Variants in NAV2 observed in about 807,000 individuals in gnomAD.
The protein encoded by NAV2 is helicase, APC down-regulated 1.
NAV2 carries 54 observed loss-of-function variants against 223.2 expected under a neutral mutation model. The ratio of observed to expected loss-of-function variants is 0.24; its 90% confidence interval spans 0.19 to 0.30. The LOEUF is 0.30. Ranked by LOEUF, NAV2 falls within the 10% of genes least tolerant of loss-of-function variation. The pLI, the probability that NAV2 is intolerant of heterozygous loss-of-function variation, is 1.00. For missense variants in NAV2, 2,806 were observed against 3,147.5 expected, an observed-to-expected ratio of 0.89 and a Z score of 2.60; for synonymous variants, 1,279 against 1,239.3, an observed-to-expected ratio of 1.03 and a Z score of -0.67.
intron 31 of NAV2, among the ~76,000 whole-genome samples, chr11:20,099,146 C>T (rs1450155670): frequency 6.6e-6 from 1 of 152,224 alleles, no homozygotes; most frequent in Non-Finnish European, 1.5e-5. Context: ...GGTGGAAGAG[C>T]TGGACCAGTG....
At chr11:19,611,947 A>G (rs955295968) in intron 1 of NAV2, among the ~76,000 whole-genome samples, 5 of 152,228 alleles carry the variant, frequency 3.3e-5, no homozygotes, top group Non-Finnish European at 7.3e-5. Context: ...GTTCTCCATG[A>G]GGGCACTGCC....
intron 1 of NAV2, among the ~76,000 whole-genome samples, chr11:19,791,713 G>A (rs75876729): frequency 0.028 from 4,246 of 152,242 alleles, 129 homozygotes; most frequent in African/African-American, 0.081. Context: ...TCCAGAGAGC[G>A]GGCACTCAGT....
chr11:20,098,823 G>T (rs1184325629), intron 31 of NAV2, among the ~76,000 whole-genome samples: 3 of 152,232 alleles, frequency 2.0e-5, no homozygotes, highest in Non-Finnish European at 4.4e-5. Flanking sequence ...GGGCAATCCA[G>T]GGGTACACCT....
At chr11:19,777,538 G>A (rs892572940) in intron 1 of NAV2, 9 of 455,262 alleles carry the variant, frequency 2.0e-5, no homozygotes, top group Admixed American at 4.7e-5. Flanking sequence ...ATTGCAGACC[G>A]CACCCCCTGG....
At chr11:19,627,257 G>A (rs2047197949) in intron 1 of NAV2, among the ~76,000 whole-genome samples, 1 of 152,080 alleles carries the variant, frequency 6.6e-6, no homozygotes, top group Non-Finnish European at 1.5e-5. Flanking sequence ...GCGTGGTATT[G>A]TGTGCCTGTA....
At chr11:19,903,453 TAAC>T (rs906152437) in intron 6 of NAV2, among the ~76,000 whole-genome samples, 84 of 152,270 alleles carry the variant, frequency 5.5e-4, no homozygotes, top group African/African-American at 1.8e-3. Context: ...AATGCACAGA[TAAC>T]AACTGCTGAT....
At chr11:19,368,274 G>A (rs565069139) in intron 1 of NAV2, among the ~76,000 whole-genome samples, 6 of 152,198 alleles carry the variant, frequency 3.9e-5, no homozygotes, top group Non-Finnish European at 8.8e-5. Flanking sequence ...CAGACCAAGA[G>A]GTCCTACAGG....
chr11:19,886,006 T>C (rs1413639012), intron 5 of NAV2, among the ~76,000 whole-genome samples: 1 of 152,186 alleles, frequency 6.6e-6, no homozygotes. Flanking sequence ...TATTGATTTT[T>C]GTCCAGTTCT....
chr11:19,850,305 C>T (rs1326464742), intron 3 of NAV2, among the ~76,000 whole-genome samples: 1 of 152,130 alleles, frequency 6.6e-6, no homozygotes, highest in African/African-American at 2.4e-5. Flanking sequence ...ACATAATACA[C>T]TCTCTTGTGG....
intron 10 of NAV2, among the ~76,000 whole-genome samples, chr11:19,973,990 T>G (rs1272709195): frequency 6.6e-6 from 1 of 152,250 alleles, no homozygotes; most frequent in Non-Finnish European, 1.5e-5. Context: ...TAGTAACAAC[T>G]TTTATCAAGC....
upstream of NAV2, chr11:19,712,686 G>A (rs904984563): frequency 1.1e-4 from 17 of 152,164 alleles, no homozygotes; most frequent in Non-Finnish European, 1.9e-4. Context: ...GCGGCCAAGC[G>A]CGGCCCCAGA....
intron 6 of NAV2, among the ~76,000 whole-genome samples, chr11:19,913,726 G>A (rs1003762248): frequency 2.6e-5 from 4 of 151,910 alleles, no homozygotes; most frequent in African/African-American, 4.8e-5. Flanking sequence ...TAGCAATCAC[G>A]CACTCTGGGC....
At chr11:19,692,216 G>A (rs1266349212) in intron 1 of NAV2, among the ~76,000 whole-genome samples, 4 of 152,226 alleles carry the variant, frequency 2.6e-5, no homozygotes, top group Non-Finnish European at 4.4e-5. Context: ...CCGGGGTTGC[G>A]GGTGTTGTCT....
intron 36 of NAV2, among the ~76,000 whole-genome samples, chr11:20,110,510 C>T (rs955379413): frequency 3.3e-5 from 5 of 152,104 alleles, no homozygotes; most frequent in East Asian, 1.9e-4. Context: ...AACTGAGGCT[C>T]ACGGACGTTC....
chr11:19,475,069 C>T (rs72897489), intron 1 of NAV2, among the ~76,000 whole-genome samples: 1 of 152,338 alleles, frequency 6.6e-6, no homozygotes, highest in Non-Finnish European at 1.5e-5. Flanking sequence ...GGCCTTGGGT[C>T]AGCAGCCACA....
chr11:19,761,784 A>G (rs1424798589), intron 1 of NAV2, among the ~76,000 whole-genome samples: 2 of 152,322 alleles, frequency 1.3e-5, no homozygotes, highest in African/African-American at 4.8e-5. Context: ...TCATCTCCAC[A>G]TTTAACCTAC....
chr11:19,869,724 C>A (rs1267032500), intron 4 of NAV2, among the ~76,000 whole-genome samples: 2 of 152,186 alleles, frequency 1.3e-5, no homozygotes, highest in Non-Finnish European at 2.9e-5. Context: ...CTCCAGTTTT[C>A]CCAGAACAGG....
At chr11:20,096,281 T>C (rs2061259549) in intron 30 of NAV2, among the ~76,000 whole-genome samples, 2 of 152,224 alleles carry the variant, frequency 1.3e-5, no homozygotes, top group South Asian at 4.1e-4. Context: ...TACTTATTTC[T>C]CTATTCTTTT....
intron 1 of NAV2, among the ~76,000 whole-genome samples, chr11:19,631,615 A>T (rs1456577226): frequency 6.6e-6 from 1 of 152,174 alleles, no homozygotes; most frequent in Admixed American, 6.5e-5. Context: ...ATCTAGCTAA[A>T]GGGAACTCTC....
Sources: gnomAD v4.1 joint callset for allele counts (sites outside exome capture counted in the v4.1 genomes callset) on GRCh38, gnomAD v4.1.1 for gene constraint, MANE v1.5 for transcripts, NCBI Gene and HGNC (gene_info 2026-07-23, HGNC 2026-07-21) for gene names.